Variants in PREPL observed in about 807,000 individuals in gnomAD.
PREPL encodes the protein prolyl endopeptidase like, also known as prolyl endopeptidase-like.
Under a neutral mutation model 70.6 loss-of-function variants are expected in PREPL, and 77 were observed. That is an observed-to-expected ratio of 1.09 (90% CI 0.91 to 1.32). The LOEUF (loss-of-function observed/expected upper bound fraction) is 1.32, where lower values mean the gene tolerates loss of function less well. PREPL is among the 40% of genes most tolerant of loss of function. The pLI, the probability that PREPL is intolerant of heterozygous loss-of-function variation, is 0.00. For missense variants in PREPL, 1,002 were observed against 778.2 expected (o/e 1.29, Z -3.42); for synonymous variants, 315 against 264.8 (o/e 1.19, Z -1.84).
At chr2:44,343,639 T>C in intron 4 of PREPL, 106 bp downstream of exon 4, 1 of 967,496 alleles carries the variant, frequency 1.0e-6, no homozygotes, top group Non-Finnish European at 1.6e-6. Context: ...TAGGGATACA[T>C]GAATCAGGCA....
chr2:44,353,876 T>C (rs11893152), intron 1 of PREPL, among the ~76,000 whole-genome samples: 12,243 of 151,488 alleles, frequency 0.081, 1,603 homozygotes, highest in African/African-American at 0.28. Flanking sequence ...AAATGGGTCA[T>C]AGGGCTGGGC....
chr2:44,322,408 A>G (rs983393637), intron 12 of PREPL, among the ~76,000 whole-genome samples: 21 of 152,360 alleles, frequency 1.4e-4, no homozygotes, highest in African/African-American at 5.1e-4. Flanking sequence ...ATTCCCAAGA[A>G]TAACGGCTCA....
chr2:44,343,982 T>C (rs1675504788), intron 3 of PREPL, 31 bp from the exon 4 acceptor site: 1 of 1,596,664 alleles, frequency 6.3e-7, no homozygotes, highest in Non-Finnish European at 8.5e-7. Flanking sequence ...AAGTGATAAC[T>C]TCAAAGGATG....
chr2:44,340,117 G>C, intron 5 of PREPL, among the ~76,000 whole-genome samples: 1 of 151,754 alleles, frequency 6.6e-6, no homozygotes, highest in Non-Finnish European at 1.5e-5. Context: ...AAGTCTTTGT[G>C]ATTATTATTT....
intron 7 of PREPL, 56 bp from the exon 8 acceptor site, chr2:44,332,712 A>T: frequency 7.2e-7 from 1 of 1,385,554 alleles, no homozygotes; most frequent in Non-Finnish European, 9.9e-7. Context: ...AGTATCATTA[A>T]TTAAATTTCT....
chr2:44,320,798 G>A lies in PREPL; in HGVS notation c.*558C>T. 1.5e-6 allele frequency: 1 copy of A among 672,946 alleles called. No individual in the cohort carries two copies. The highest frequency in any genetic ancestry group is 2.7e-5 in the Admixed American group (1 of 37,588). The allele number at this position is 672,946 out of a possible 1,614,324, so 41.7% of individuals were successfully genotyped here. A position where few individuals can be genotyped will look rare whatever the true frequency, so the allele number is the denominator to read the frequency against. On this transcript the variant is annotated 3_prime_UTR_variant, in exon 14 of 14. Coordinates refer to ENST00000409411, the MANE Select transcript of PREPL (RefSeq NM_001171613.2). ...TTTAAGAAAGGTTCTCAAATGTTTT[G>A]AAAAAAATAAAATGTTTAAAAGTAA...
Position 44,344,514 on chromosome 2 carries a change from G to T in PREPL, c.142+6C>A. On this transcript the variant is annotated splice_donor_region_variant and intron_variant, in intron 3 of 13. Coordinates refer to ENST00000409411, the MANE Select transcript of PREPL (RefSeq NM_001171613.2). ...AGAGCACGTAAAAAGAAAAATTGTG[G>T]TGTACCTTCTTCATCTTTGGAACGA... 6.4e-7 allele frequency: 1 copy of T among 1,571,206 alleles called. No individual in the cohort carries two copies. The highest frequency in any genetic ancestry group is 8.6e-7 in the Non-Finnish European group (1 of 1,158,778).
At chr2:44,330,780 C>T (rs9309116) in intron 8 of PREPL, among the ~76,000 whole-genome samples, 101,509 of 152,010 alleles carry the variant, frequency 0.67, 34,887 homozygotes, top group African/African-American at 0.81. Flanking sequence ...CTATAGTTTA[C>T]ATATTAATTT....
chr2:44,340,833 T>C (rs7593575), intron 5 of PREPL, among the ~76,000 whole-genome samples: 17,945 of 150,494 alleles, frequency 0.12, 1,771 homozygotes, highest in African/African-American at 0.27. Context: ...GAGGCTGAGG[T>C]AGAAGAATCA....
Position 44,320,876 on chromosome 2 carries a change from G to A in PREPL, c.*480C>T, listed in dbSNP as rs1672883797. ...TATTCAGATAGCATCAATCAGGGAT[G>A]ACCAGAACACATTAGGACCCCAGAT... On this transcript the variant is annotated 3_prime_UTR_variant, in exon 14 of 14. Coordinates refer to ENST00000409411, the MANE Select transcript of PREPL (RefSeq NM_001171613.2). 8 of 539,960 alleles carry A rather than the reference G, an allele frequency of 1.5e-5. No homozygotes were observed. The South Asian group carries it at 1.7e-4, about 11-fold the overall frequency. The allele number at this position is 539,960 out of a possible 1,614,324, so 33.4% of individuals were successfully genotyped here. A position where few individuals can be genotyped will look rare whatever the true frequency, so the allele number is the denominator to read the frequency against.
intron 7 of PREPL, among the ~76,000 whole-genome samples, chr2:44,334,026 G>C (rs1185068445): frequency 6.6e-6 from 1 of 152,150 alleles, no homozygotes; most frequent in Non-Finnish European, 1.5e-5. Context: ...AGTATTTTTG[G>C]TGTTTTTCTA....
chr2:44,352,810 G>T (rs777029531), intron 1 of PREPL, among the ~76,000 whole-genome samples: 1 of 152,046 alleles, frequency 6.6e-6, no homozygotes, highest in Admixed American at 6.5e-5. Context: ...ATATGGAGAA[G>T]ATATCTACAG....
intron 12 of PREPL, among the ~76,000 whole-genome samples, chr2:44,322,369 AC>A (rs1673060087): frequency 6.6e-6 from 1 of 152,236 alleles, no homozygotes; most frequent in Admixed American, 6.5e-5. Context: ...ATGGCCCAAA[AC>A]AAAAATCTCA....
chr2:44,358,989 G>A (rs1349762545), intron 1 of PREPL, among the ~76,000 whole-genome samples: 3 of 151,758 alleles, frequency 2.0e-5, no homozygotes, highest in Non-Finnish European at 4.4e-5. Context: ...GCATACTAAG[G>A]AAGTCCTGAG....
chr2:44,348,619 T>TAA (rs2104063660), intron 1 of PREPL, among the ~76,000 whole-genome samples: 1 of 152,270 alleles, frequency 6.6e-6, no homozygotes, highest in South Asian at 2.1e-4. Flanking sequence ...CTCATCTTCT[T>TAA]AACTTTACAT....
chr2:44,331,827 A>G (rs1674127965), intron 8 of PREPL, among the ~76,000 whole-genome samples: 1 of 152,006 alleles, frequency 6.6e-6, no homozygotes, highest in Non-Finnish European at 1.5e-5. Context: ...GTCAACTACC[A>G]CCTTCACTAT....
chr2:44,327,513 T>C (rs192060408), intron 9 of PREPL, among the ~76,000 whole-genome samples: 107 of 152,242 alleles, frequency 7.0e-4, no homozygotes, highest in Admixed American at 1.2e-3. Context: ...AAGACACAGA[T>C]ACGACACAGC....
rs537786052 is a variant in PREPL, at chr2:44,326,818, A to C, written c.1373T>G (p.Phe458Cys). 1 of 1,614,172 alleles carries C rather than the reference A, an allele frequency of 6.2e-7. No individual in the cohort carries two copies. The highest frequency in any genetic ancestry group is 2.2e-5 in the East Asian group (1 of 44,886). ...CAGGGTTGTTAGACTTGGCTGAGAA[A>C]AGCCTTGGCCATGAAGCGTCTTAAT... ...ACIKTLHGQGFSQPSLTTLTA... is the reference protein window; with the variant it reads ...ACIKTLHGQGCSQPSLTTLTA... Residue 458 changes from phenylalanine to cysteine, a missense_variant, in exon 10 of 14, where the codon TTT becomes TGT. Coordinates refer to ENST00000409411, the MANE Select transcript of PREPL (RefSeq NM_001171613.2).
In PREPL at chr2:44,319,091, T is replaced by C. The variant is rs1296296333; in HGVS notation, c.*2265A>G. 6.6e-6 allele frequency: 1 copy of C among 152,528 alleles called. No homozygotes were observed. The highest frequency in any genetic ancestry group is 1.9e-4 in the East Asian group (1 of 5,202). 9.4% of individuals were successfully genotyped at this position (152,528 alleles called of 1,614,324 possible). A position where few individuals can be genotyped will look rare whatever the true frequency, so the allele number is the denominator to read the frequency against. On this transcript the variant is annotated 3_prime_UTR_variant, in exon 14 of 14. Transcript: ENST00000409411. ...AGAAAATGTTAATAACTTAGACAAG[T>C]CATACATGTATCATAAATATCTTTG...
Sources: gnomAD v4.1 joint callset for allele counts (sites outside exome capture counted in the v4.1 genomes callset) on GRCh38, gnomAD v4.1.1 for gene constraint, MANE v1.5 for transcripts, NCBI Gene and HGNC (gene_info 2026-07-23, HGNC 2026-07-21) for gene names.